The following TCERG1L variants were observed in gnomAD, a reference collection of about 807,000 sequenced individuals.
TCERG1L encodes transcription elongation regulator 1 like, also known as transcription elongation regulator 1-like protein.
TCERG1L carries 37 observed loss-of-function variants against 56.3 expected under a neutral mutation model. The observed-to-expected ratio is 0.66, with a 90% CI of 0.51 to 0.87. The LOEUF is 0.87. Ranked by LOEUF, TCERG1L falls within the 40% of genes least tolerant of loss-of-function variation. The pLI is 0.00. For missense variants in TCERG1L, 799 were observed against 774.2 expected (o/e 1.03, Z -0.38); for synonymous variants, 324 against 326.3 (o/e 0.99, Z 0.08).
At chr10:131,262,666 C>T (rs1447473599) in intron 3 of TCERG1L, among the ~76,000 whole-genome samples, 6 of 152,116 alleles carry the variant, frequency 3.9e-5, no homozygotes, top group East Asian at 1.9e-4. Flanking sequence ...ACTATGGCCA[C>T]GGTGTTCACT....
At chr10:131,169,868 T>C (rs1301971470) in intron 4 of TCERG1L, among the ~76,000 whole-genome samples, 1 of 152,162 alleles carries the variant, frequency 6.6e-6, no homozygotes, top group Non-Finnish European at 1.5e-5. Flanking sequence ...AATGACAGCA[T>C]TGCCTAGTTT....
At chr10:131,264,660 C>A (rs1223347838) in intron 3 of TCERG1L, among the ~76,000 whole-genome samples, 1 of 152,198 alleles carries the variant, frequency 6.6e-6, no homozygotes, top group African/African-American at 2.4e-5. Flanking sequence ...CATCTGCACC[C>A]CTATCTTGGG....
intron 9 of TCERG1L, among the ~76,000 whole-genome samples, chr10:131,115,841 C>T (rs1327811764): frequency 6.6e-6 from 1 of 152,170 alleles, no homozygotes; most frequent in Non-Finnish European, 1.5e-5. Flanking sequence ...CCTAACTAAC[C>T]CTGTGAGGGT....
rs1318280514 is a variant in TCERG1L, at chr10:131,284,700, TA to T, written c.670+23510del. On this transcript the variant is annotated intron_variant, in intron 3 of 11. Coordinates refer to ENST00000368642, the MANE Select transcript of TCERG1L (RefSeq NM_174937.4). ...GGTGCAAATAAGCAAAACTATATATTAAAAAAGATAACTATTATTATAGCAT... is the reference window on the plus strand; with the variant it reads ...GGTGCAAATAAGCAAAACTATATATTAAAAAGATAACTATTATTATAGCAT... 6.6e-5 allele frequency among the ~76,000 whole-genome samples: 10 copies of T among 152,072 alleles called. No homozygotes were observed. In the South Asian group the frequency reaches 1.5e-3, roughly 22 times the overall value.
rs550021511 is a variant in TCERG1L at position 131,119,505 on chromosome 10, G to A, written c.1260-2571C>T. Among the ~76,000 whole-genome samples, 2 of 152,260 alleles carry A rather than the reference G, an allele frequency of 1.3e-5. 1 individual carries two copies. Among genetic ancestry groups the A allele is most frequent in the East Asian group, 3.9e-4 (2 of 5,182 alleles). On this transcript the variant is annotated intron_variant, in intron 8 of 11. Coordinates refer to ENST00000368642, the MANE Select transcript of TCERG1L (RefSeq NM_174937.4). The stretch of plus-strand genomic sequence containing the variant: ...AATAAATTTTCATTAGTTAAAAATA[G>A]AAATGTGAAACAAGGCCTGTATTGT...
intron 4 of TCERG1L, among the ~76,000 whole-genome samples, chr10:131,243,304 A>C (rs1845993277): frequency 6.6e-6 from 1 of 152,134 alleles, no homozygotes; most frequent in African/African-American, 2.4e-5. Flanking sequence ...AGGCATGGCC[A>C]GGCGTGAGGG....
intron 7 of TCERG1L, among the ~76,000 whole-genome samples, chr10:131,135,347 A>T (rs10829915): frequency 2.0e-5 from 3 of 151,676 alleles, no homozygotes; most frequent in Non-Finnish European, 4.4e-5. Flanking sequence ...CTGAGCCTGC[A>T]CCTCCTTCCT....
intron 4 of TCERG1L, among the ~76,000 whole-genome samples, chr10:131,258,479 C>T (rs1307486124): frequency 6.6e-6 from 1 of 152,176 alleles, no homozygotes; most frequent in Non-Finnish European, 1.5e-5. Flanking sequence ...CACACCCACC[C>T]ATGAAGCCTG....
chr10:131,095,554 G>A (rs1442858180), intron 11 of TCERG1L: 1 of 152,198 alleles, frequency 6.6e-6, no homozygotes, highest in African/African-American at 2.4e-5. Flanking sequence ...TCACTAGGAT[G>A]CCTACAGAAA....
In TCERG1L at chr10:131,157,684, A is replaced by T. The variant is rs185343888; in HGVS notation, c.1034+5438T>A. Among the ~76,000 whole-genome samples the T allele has an allele frequency of 4.8e-3, 731 of 151,778 alleles. 4 individuals are homozygous for T. The highest frequency in any genetic ancestry group is 0.028 in the South Asian group (135 of 4,800). On this transcript the variant is annotated intron_variant, in intron 6 of 11. Transcript: ENST00000368642. ...ATGCCTAAAAGTTTAAAGAAGATTTAAAAAAAAAGTAATTCAAGTTTCATT... is the reference window on the plus strand; with the variant it reads ...ATGCCTAAAAGTTTAAAGAAGATTTTAAAAAAAAGTAATTCAAGTTTCATT...
chr10:131,271,998 C>A (rs937886448), intron 3 of TCERG1L, among the ~76,000 whole-genome samples: 1 of 152,202 alleles, frequency 6.6e-6, no homozygotes, highest in African/African-American at 2.4e-5. Context: ...TTGACCAGGA[C>A]AGTGACTTCA....
chr10:131,174,542 C>T (rs1035878173), intron 4 of TCERG1L, among the ~76,000 whole-genome samples: 2 of 152,162 alleles, frequency 1.3e-5, no homozygotes, highest in African/African-American at 4.8e-5. Context: ...CTCACCCGCC[C>T]GTTCCCCAGC....
intron 7 of TCERG1L, among the ~76,000 whole-genome samples, chr10:131,143,982 G>A (rs11017748): frequency 0.051 from 7,722 of 152,112 alleles, 291 homozygotes; most frequent in South Asian, 0.22. Flanking sequence ...AGCACTTCTG[G>A]AGGCGCTGCC....
At chr10:131,255,612 A>G (rs548590025) in intron 4 of TCERG1L, among the ~76,000 whole-genome samples, 283 of 152,368 alleles carry the variant, frequency 1.9e-3, no homozygotes, top group African/African-American at 6.6e-3. Context: ...TGTGGCGTGC[A>G]TGATATATTT....
chr10:131,230,123 T>C (rs1439638068), intron 4 of TCERG1L, among the ~76,000 whole-genome samples: 1 of 152,030 alleles, frequency 6.6e-6, no homozygotes, highest in Non-Finnish European at 1.5e-5. Context: ...CCTCCCAGAG[T>C]GCCCAGCCCG....
At chr10:131,134,524 C>T (rs983276106) in intron 7 of TCERG1L, 76 bp from the exon 8 acceptor site, 3 of 1,105,818 alleles carry the variant, frequency 2.7e-6, no homozygotes, top group African/African-American at 3.1e-5. Context: ...GTGACACTCA[C>T]TTTCAAGTAG....
At chr10:131,183,706 G>A (rs746070766) in intron 4 of TCERG1L, among the ~76,000 whole-genome samples, 1 of 152,176 alleles carries the variant, frequency 6.6e-6, no homozygotes, top group African/African-American at 2.4e-5. Flanking sequence ...CCCCTCATCT[G>A]AGCTCAGGGC....
rs1409941360 is a variant in TCERG1L, at chr10:131,191,626, G to A, written c.857-24741C>T. The stretch of plus-strand genomic sequence containing the variant: ...CTTCAACAAAGCATAAATTGCAAAG[G>A]TGCTGGGAAGACTGGCAAGCCACAT... On this transcript the variant is annotated intron_variant, in intron 4 of 11. Coordinates refer to ENST00000368642, the MANE Select transcript of TCERG1L (RefSeq NM_174937.4). Among the ~76,000 whole-genome samples, 12 of 142,302 alleles carry A rather than the reference G, an allele frequency of 8.4e-5. 1 individual carries two copies. Among genetic ancestry groups the A allele is most frequent in the African/African-American group, 2.4e-4 (9 of 37,622 alleles). 93.4% of individuals were successfully genotyped at this position (142,302 alleles called of 152,430 possible). A position where few individuals can be genotyped will look rare whatever the true frequency, so the allele number is the denominator to read the frequency against.
At chr10:131,247,176 C>T (rs530504561) in intron 4 of TCERG1L, among the ~76,000 whole-genome samples, 3 of 152,282 alleles carry the variant, frequency 2.0e-5, no homozygotes, top group South Asian at 2.1e-4. Flanking sequence ...CCACACACAG[C>T]GACGGACACA....
Sources: allele counts gnomAD v4.1 joint callset (sites outside exome capture counted in the v4.1 genomes callset), GRCh38; gene constraint gnomAD v4.1.1; transcripts MANE v1.5; gene names NCBI Gene and HGNC (gene_info 2026-07-23, HGNC 2026-07-21).